Variants in SCAMP2 observed in about 807,000 individuals in gnomAD.
SCAMP2 encodes the protein secretory carrier membrane protein 2.
Under a neutral mutation model 44.1 loss-of-function variants are expected in SCAMP2, and 25 were observed. That is an observed-to-expected ratio of 0.57 (90% CI 0.41 to 0.79). The LOEUF (loss-of-function observed/expected upper bound fraction) is 0.79, where lower values mean the gene tolerates loss of function less well. SCAMP2 is among the 30% of genes least tolerant of loss of function. The pLI, the probability that SCAMP2 is intolerant of heterozygous loss-of-function variation, is 0.00. For synonymous variants in SCAMP2, 156 were observed against 166.0 expected (o/e 0.94, Z 0.46); for missense variants, 355 against 411.0 (o/e 0.86, Z 1.18).
chr15:74,868,217 C>T (rs1276011926), intron 1 of SCAMP2, among the ~76,000 whole-genome samples: 1 of 152,236 alleles, frequency 6.6e-6, no homozygotes, highest in Non-Finnish European at 1.5e-5. Context: ...ACCTCTGTGG[C>T]ACACTCATAT....
chr15:74,852,300 T>G, intron 3 of SCAMP2, 114 bp from the exon 4 acceptor site: 1 of 670,138 alleles, frequency 1.5e-6, no homozygotes, highest in Non-Finnish European at 2.3e-6. Flanking sequence ...CATCAAGGAG[T>G]CCCAGAAGCA....
At chr15:74,873,139 G>A (rs942805533) in intron 1 of SCAMP2, 60 bp downstream of exon 1, 15 of 1,345,406 alleles carry the variant, frequency 1.1e-5, no homozygotes, top group African/African-American at 3.1e-5. Context: ...CGAGAGGCCC[G>A]GGCGGCGGCC....
chr15:74,861,432 T>C (rs1453643246), intron 1 of SCAMP2, among the ~76,000 whole-genome samples: 2 of 152,100 alleles, frequency 1.3e-5, no homozygotes, highest in Admixed American at 1.3e-4. Flanking sequence ...CACAAAAACA[T>C]GTAAAAATCT....
intron 1 of SCAMP2, among the ~76,000 whole-genome samples, chr15:74,865,391 A>AC (rs930549325): frequency 6.6e-6 from 1 of 151,180 alleles, no homozygotes; most frequent in Non-Finnish European, 1.5e-5. Context: ...AAAAAAAAAA[A>AC]AAAGAAAAGA....
chr15:74,872,412 C>CAA (rs532189299), intron 1 of SCAMP2, among the ~76,000 whole-genome samples: 4 of 98,078 alleles, frequency 4.1e-5, no homozygotes, highest in African/African-American at 1.2e-4. Flanking sequence ...GACTCCGTCT[C>CAA]AAAAAAAAAA....
chr15:74,846,187 C>T (rs1270785242), intron 7 of SCAMP2, among the ~76,000 whole-genome samples: 2 of 151,836 alleles, frequency 1.3e-5, no homozygotes, highest in East Asian at 3.9e-4. Context: ...GAGACTGAGG[C>T]AGGAGAATCA....
chr15:74,853,162 G>A (rs1399000102), intron 3 of SCAMP2: 2 of 330,134 alleles, frequency 6.1e-6, no homozygotes, highest in East Asian at 8.1e-5. Flanking sequence ...ACCCCGCTGT[G>A]CCACGCTGGG....
intron 1 of SCAMP2, among the ~76,000 whole-genome samples, chr15:74,862,351 C>T (rs1469746609): frequency 6.8e-6 from 1 of 146,416 alleles, no homozygotes; most frequent in Non-Finnish European, 1.5e-5. Context: ...CCAAGGTGGG[C>T]AGATCACTTG....
rs139741068 is a variant in SCAMP2 at position 74,862,659 on chromosome 15, T to C, written c.58-8010A>G. On this transcript the variant is annotated intron_variant, in intron 1 of 8. Transcript: ENST00000268099. ...TATTTTCTGTTTTCCAAATTTTCTATAATATGGTCATGTTATTTTGATTTT... is the reference window on the plus strand; with the variant it reads ...TATTTTCTGTTTTCCAAATTTTCTACAATATGGTCATGTTATTTTGATTTT... Among the ~76,000 whole-genome samples, 3 of 151,722 alleles carry C rather than the reference T, an allele frequency of 2.0e-5. 1 individual carries two copies. In the South Asian group the frequency reaches 6.2e-4, roughly 32 times the overall value.
At chr15:74,845,343 T>G in intron 8 of SCAMP2, 126 bp from the exon 9 acceptor site, 1 of 1,583,334 alleles carries the variant, frequency 6.3e-7, no homozygotes, top group Non-Finnish European at 8.6e-7. Context: ...CCCAGATCCC[T>G]GGAGAAAGGT....
At chr15:74,865,270 A>T (rs2064534541) in intron 1 of SCAMP2, among the ~76,000 whole-genome samples, 1 of 151,586 alleles carries the variant, frequency 6.6e-6, no homozygotes, top group South Asian at 2.1e-4. Context: ...AGTCCCAGCT[A>T]CTTGGGAGGC....
intron 8 of SCAMP2, 79 bp from the exon 9 acceptor site, chr15:74,845,296 A>G: frequency 6.3e-7 from 1 of 1,589,298 alleles, no homozygotes; most frequent in Non-Finnish European, 8.6e-7. Context: ...ATACTCCCAA[A>G]GGGGTCACCA....
chr15:74,859,412 G>A (rs1333135661), intron 1 of SCAMP2, among the ~76,000 whole-genome samples: 1 of 152,088 alleles, frequency 6.6e-6, no homozygotes, highest in Non-Finnish European at 1.5e-5. Context: ...GCAAAAAACA[G>A]GAAGAAGGGG....
At chr15:74,850,720 G>A (rs765114691) in intron 5 of SCAMP2, 47 bp from the exon 6 acceptor site, 1 of 1,600,462 alleles carries the variant, frequency 6.2e-7, no homozygotes. Context: ...CACAGTGGCT[G>A]AGGGGCTCCA....
chr15:74,872,043 C>CA (rs1166937119), intron 1 of SCAMP2, among the ~76,000 whole-genome samples: 2 of 149,018 alleles, frequency 1.3e-5, no homozygotes, highest in East Asian at 3.9e-4. Context: ...AGAATTGTCT[C>CA]AAAAAACAAA....
intron 7 of SCAMP2, among the ~76,000 whole-genome samples, chr15:74,846,644 A>G (rs1173654979): frequency 6.6e-6 from 1 of 152,086 alleles, no homozygotes; most frequent in Non-Finnish European, 1.5e-5. Flanking sequence ...GCACCTACAT[A>G]GTCCCAGTTA....
chr15:74,867,288 G>C (rs1387509272), intron 1 of SCAMP2, among the ~76,000 whole-genome samples: 3 of 152,236 alleles, frequency 2.0e-5, no homozygotes, highest in African/African-American at 7.2e-5. Flanking sequence ...TGAATGAACA[G>C]CAAGTACCCC....
At chr15:74,864,973 G>A (rs955442190) in intron 1 of SCAMP2, among the ~76,000 whole-genome samples, 1 of 147,774 alleles carries the variant, frequency 6.8e-6, no homozygotes, top group Admixed American at 6.9e-5. Flanking sequence ...TGCAATCCCA[G>A]CTACTCAGGA....
chr15:74,863,681 G>A (rs190441950), intron 1 of SCAMP2, among the ~76,000 whole-genome samples: 222 of 152,268 alleles, frequency 1.5e-3, no homozygotes, highest in Non-Finnish European at 2.6e-3. Context: ...CTCAAAATGG[G>A]ACACTTACTA....
Sources: allele counts gnomAD v4.1 joint callset (sites outside exome capture counted in the v4.1 genomes callset), GRCh38; gene constraint gnomAD v4.1.1; transcripts MANE v1.5; gene names NCBI Gene and HGNC (gene_info 2026-07-23, HGNC 2026-07-21).